PAK5: variants seen among roughly 807,000 people sequenced by gnomAD.
The protein encoded by PAK5 is serine/threonine-protein kinase PAK 5.
A neutral mutation model predicts 65.9 loss-of-function variants in PAK5; 16 were observed. The observed-to-expected ratio is 0.24, with a 90% confidence interval of 0.16 to 0.37. The LOEUF (loss-of-function observed/expected upper bound fraction) is 0.37. Among genes scored for constraint, PAK5 ranks in the 10% least tolerant of loss-of-function variants. PAK5 has a pLI of 1.00. For missense variants in PAK5, 785 were observed against 903.9 expected, an observed-to-expected ratio of 0.87 and a Z score of 1.69; for synonymous variants, 371 against 354.9, an observed-to-expected ratio of 1.05 and a Z score of -0.51.
intron 1 of PAK5, among the ~76,000 whole-genome samples, chr20:9,765,895 C>G (rs2048751407): frequency 6.6e-6 from 1 of 152,222 alleles, no homozygotes; most frequent in East Asian, 1.9e-4. Flanking sequence ...CAGCACTACT[C>G]ATAACCCCAA....
intron 1 of PAK5, among the ~76,000 whole-genome samples, chr20:9,765,758 A>G (rs2048749945): frequency 6.6e-6 from 1 of 152,162 alleles, no homozygotes; most frequent in Admixed American, 6.5e-5. Context: ...TTCTACTGCA[A>G]ATAGGAAGGG....
chr20:9,696,668 C>G (rs191190619), intron 2 of PAK5, among the ~76,000 whole-genome samples: 2 of 151,962 alleles, frequency 1.3e-5, no homozygotes, highest in East Asian at 3.9e-4. Flanking sequence ...TGGACCCACA[C>G]AGTAATAATC....
chr20:9,581,743 G>A (rs927757152), intron 3 of PAK5, among the ~76,000 whole-genome samples: 9 of 152,064 alleles, frequency 5.9e-5, no homozygotes, highest in Non-Finnish European at 1.2e-4. Flanking sequence ...GAAAGACATC[G>A]CAAACCACTT....
intron 2 of PAK5, among the ~76,000 whole-genome samples, chr20:9,684,137 T>C (rs2047686729): frequency 6.6e-6 from 1 of 152,216 alleles, no homozygotes; most frequent in African/African-American, 2.4e-5. Flanking sequence ...GAATTTGGAC[T>C]GTTTGTCATA....
At chr20:9,730,610 A>C (rs989045065) in intron 1 of PAK5, among the ~76,000 whole-genome samples, 1 of 152,220 alleles carries the variant, frequency 6.6e-6, no homozygotes, top group Admixed American at 6.5e-5. Flanking sequence ...TAAAAGGTAG[A>C]AAGCTCTTGA....
At position 9,685,449 on chromosome 20, in the gene PAK5, A is replaced by G. The variant is rs568528343; in HGVS notation, c.-12+25837T>C. Among the ~76,000 whole-genome samples, 12 of 152,322 alleles carry G rather than the reference A, an allele frequency of 7.9e-5. No individual in the cohort carries two copies. The South Asian group carries it at 2.5e-3, about 32-fold the overall frequency. On this transcript the variant is annotated intron_variant, in intron 2 of 9. Transcript: ENST00000353224. ...ACGGATATACACAGGGAGAACCACA[A>G]ATAATCATGAAGAAAGAGATCCACA...
At chr20:9,658,509 G>A (rs2047300313) in intron 2 of PAK5, among the ~76,000 whole-genome samples, 1 of 152,164 alleles carries the variant, frequency 6.6e-6, no homozygotes, top group African/African-American at 2.4e-5. Context: ...AACAATGAAA[G>A]CTATAAGACC....
intron 1 of PAK5, among the ~76,000 whole-genome samples, chr20:9,778,269 A>G (rs2048906325): frequency 6.6e-6 from 1 of 151,860 alleles, no homozygotes; most frequent in Non-Finnish European, 1.5e-5. Context: ...ATAGGATCTC[A>G]CTCTGTTGCT....
intron 1 of PAK5, among the ~76,000 whole-genome samples, chr20:9,823,658 T>G (rs2049450058): frequency 6.6e-6 from 1 of 152,208 alleles, no homozygotes; most frequent in Non-Finnish European, 1.5e-5. Context: ...CCTCTTTCCT[T>G]TATAAATTAC....
intron 1 of PAK5, among the ~76,000 whole-genome samples, chr20:9,783,792 T>C (rs1323210010): frequency 1.3e-5 from 2 of 152,202 alleles, no homozygotes; most frequent in Non-Finnish European, 2.9e-5. Flanking sequence ...AAACAGTGGT[T>C]GTCTCATTTA....
intron 9 of PAK5, among the ~76,000 whole-genome samples, chr20:9,540,080 G>A (rs960798858): frequency 1.3e-5 from 2 of 152,050 alleles, no homozygotes; most frequent in African/African-American, 4.8e-5. Flanking sequence ...TTTCTTTGAA[G>A]GTCTTGTAAT....
intron 3 of PAK5, among the ~76,000 whole-genome samples, chr20:9,591,937 C>G (rs2123065990): frequency 6.6e-6 from 1 of 152,206 alleles, no homozygotes. Flanking sequence ...GGAAATAAAA[C>G]CAGTAGGCAG....
At chr20:9,582,557 G>A (rs889854340) in intron 3 of PAK5, among the ~76,000 whole-genome samples, 1 of 152,106 alleles carries the variant, frequency 6.6e-6, no homozygotes, top group Non-Finnish European at 1.5e-5. Context: ...ATATTTTCCA[G>A]GTTTCTTATA....
At chr20:9,816,982 G>T (rs2049364754) in intron 1 of PAK5, among the ~76,000 whole-genome samples, 1 of 151,972 alleles carries the variant, frequency 6.6e-6, no homozygotes, top group South Asian at 2.1e-4. Flanking sequence ...AGTATAATAT[G>T]AGTTTAAGAA....
At chr20:9,621,709 A>G (rs939202064) in intron 3 of PAK5, among the ~76,000 whole-genome samples, 1 of 152,186 alleles carries the variant, frequency 6.6e-6, no homozygotes, top group African/African-American at 2.4e-5. Context: ...GCTGACGGGC[A>G]ATGGCAGGCC....
intron 1 of PAK5, among the ~76,000 whole-genome samples, chr20:9,829,042 C>A (rs560794821): frequency 1.3e-5 from 2 of 152,304 alleles, no homozygotes; most frequent in South Asian, 4.1e-4. Context: ...CCTTTATCAT[C>A]AATGACACAA....
intron 6 of PAK5, among the ~76,000 whole-genome samples, chr20:9,562,660 T>C (rs1187698388): frequency 3.3e-5 from 5 of 152,202 alleles, no homozygotes; most frequent in Admixed American, 2.6e-4. Context: ...TTGCTTATTT[T>C]AAATCAATGG....
intron 3 of PAK5, among the ~76,000 whole-genome samples, chr20:9,604,443 C>T (rs2046415306): frequency 6.6e-6 from 1 of 152,144 alleles, no homozygotes. Context: ...GAATGGGGTC[C>T]CCTTTGCTAT....
intron 3 of PAK5, among the ~76,000 whole-genome samples, chr20:9,618,933 T>G (rs1459364098): frequency 1.7e-5 from 2 of 118,812 alleles, no homozygotes; most frequent in East Asian, 5.0e-4. Context: ...TTTTTTTTTT[T>G]TTTTTTTTTT....
Sources: allele counts gnomAD v4.1 joint callset (sites outside exome capture counted in the v4.1 genomes callset), GRCh38; gene constraint gnomAD v4.1.1; transcripts MANE v1.5; gene names NCBI Gene and HGNC (gene_info 2026-07-23, HGNC 2026-07-21).